The following SEC22A variants were observed in gnomAD, a reference collection of about 807,000 sequenced individuals.
SEC22A encodes the protein vesicle-trafficking protein SEC22a.
SEC22A carries 22 observed loss-of-function variants against 35.3 expected under a neutral mutation model. The ratio of observed to expected loss-of-function variants is 0.62; its 90% CI spans 0.45 to 0.89. SEC22A has a LOEUF of 0.89. SEC22A is among the 40% of genes least tolerant of loss of function. The pLI is 0.00. For synonymous variants in SEC22A, 119 were observed against 129.5 expected (o/e 0.92, Z 0.55); for missense variants, 354 against 362.5 (o/e 0.98, Z 0.19).
At chr3:123,246,239 C>G (rs1319329941) in intron 5 of SEC22A, among the ~76,000 whole-genome samples, 1 of 152,130 alleles carries the variant, frequency 6.6e-6, no homozygotes, top group Non-Finnish European at 1.5e-5. Flanking sequence ...TTATAGGCAC[C>G]CTGGGGACCC....
intron 5 of SEC22A, among the ~76,000 whole-genome samples, chr3:123,247,293 A>T (rs1576498268): frequency 6.6e-6 from 1 of 152,348 alleles, no homozygotes; most frequent in East Asian, 1.9e-4. Flanking sequence ...TTGTTGGTGA[A>T]GCAGGCTTGG....
rs889006902 is a variant in SEC22A at position 123,272,751 on chromosome 3, T to C, written c.*1029T>C. 2 of 153,774 alleles carry C rather than the reference T, an allele frequency of 1.3e-5. No homozygotes were observed. Among genetic ancestry groups the C allele is most frequent in the African/African-American group, 4.8e-5 (2 of 41,458 alleles). The allele number at this position is 153,774 out of a possible 1,614,324, so 9.5% of individuals were successfully genotyped here. On this transcript the variant is annotated 3_prime_UTR_variant, in exon 7 of 7. Coordinates refer to ENST00000492595, the MANE Select transcript of SEC22A (RefSeq NM_012430.5). Reference sequence around the variant, plus strand: ...AAAGGAAACTGTAAAGGGAATGACATTCTCACTGTGATTCAGCATTATTCT... The same window carrying C: ...AAAGGAAACTGTAAAGGGAATGACACTCTCACTGTGATTCAGCATTATTCT...
chr3:123,226,202 G>A (rs147076421), intron 4 of SEC22A, among the ~76,000 whole-genome samples: 30 of 152,202 alleles, frequency 2.0e-4, no homozygotes, highest in African/African-American at 6.3e-4. Context: ...CCTTTCTTTT[G>A]GGTATATAGC....
At chr3:123,203,439 T>A (rs1936792576) in intron 1 of SEC22A, among the ~76,000 whole-genome samples, 1 of 152,188 alleles carries the variant, frequency 6.6e-6, no homozygotes, top group African/African-American at 2.4e-5. Flanking sequence ...TACAAGGCAA[T>A]GTTTCAGGCA....
At chr3:123,252,807 T>C (rs927659935) in intron 5 of SEC22A, among the ~76,000 whole-genome samples, 3 of 152,244 alleles carry the variant, frequency 2.0e-5, no homozygotes, top group South Asian at 2.1e-4. Context: ...TACGTAGCAC[T>C]GAAGTTTTTC....
At chr3:123,253,463 C>G (rs1036442756) in intron 5 of SEC22A, among the ~76,000 whole-genome samples, 1 of 151,692 alleles carries the variant, frequency 6.6e-6, no homozygotes, top group Non-Finnish European at 1.5e-5. Flanking sequence ...CTTGTAATCC[C>G]AGCACTTTGG....
At chr3:123,262,185 A>T (rs965083768) in intron 6 of SEC22A, among the ~76,000 whole-genome samples, 1 of 152,164 alleles carries the variant, frequency 6.6e-6, no homozygotes, top group African/African-American at 2.4e-5. Flanking sequence ...CCATTACCAC[A>T]TGGTTTGTCA....
chr3:123,227,409 G>A (rs1937233764), intron 4 of SEC22A, among the ~76,000 whole-genome samples: 2 of 150,934 alleles, frequency 1.3e-5, no homozygotes, highest in Admixed American at 1.3e-4. Context: ...TCACCAATGA[G>A]AACACATGGA....
intron 4 of SEC22A, among the ~76,000 whole-genome samples, chr3:123,227,843 G>A (rs1330684246): frequency 4.6e-5 from 7 of 151,796 alleles, no homozygotes; most frequent in Admixed American, 4.6e-4. Context: ...CCAGTTACTC[G>A]GGAGACTGAG....
chr3:123,202,903 A>G (rs149274863), intron 1 of SEC22A, among the ~76,000 whole-genome samples: 3 of 152,270 alleles, frequency 2.0e-5, no homozygotes, highest in African/African-American at 7.2e-5. Context: ...CTAAGATTGT[A>G]AGGAATCAGG....
At chr3:123,269,831 A>C (rs1380905521) in intron 6 of SEC22A, among the ~76,000 whole-genome samples, 1 of 151,880 alleles carries the variant, frequency 6.6e-6, no homozygotes, top group Non-Finnish European at 1.5e-5. Context: ...ACAGGGTTTC[A>C]CTGTGTTAGC....
chr3:123,202,350 G>C (rs1206138444), intron 1 of SEC22A, among the ~76,000 whole-genome samples: 1 of 152,208 alleles, frequency 6.6e-6, no homozygotes, highest in African/African-American at 2.4e-5. Flanking sequence ...GGATTCCCTG[G>C]CGCCCAGGTG....
chr3:123,242,232 C>T (rs927103435), intron 4 of SEC22A, among the ~76,000 whole-genome samples: 3 of 144,652 alleles, frequency 2.1e-5, no homozygotes, highest in Non-Finnish European at 4.6e-5. Context: ...CAGACCTCGT[C>T]TGCTTCTCCC....
chr3:123,271,439 C>A, intron 6 of SEC22A, 83 bp from the exon 7 acceptor site: 1 of 1,149,694 alleles, frequency 8.7e-7, no homozygotes, highest in Non-Finnish European at 1.3e-6. Context: ...ATTTTACTCT[C>A]TGACCTGTTA....
intron 5 of SEC22A, among the ~76,000 whole-genome samples, chr3:123,251,671 T>A (rs1937615803): frequency 6.6e-6 from 1 of 152,214 alleles, no homozygotes; most frequent in Admixed American, 6.5e-5. Context: ...TCATAGGTAA[T>A]TTTAAAAGAT....
chr3:123,222,545 T>G (rs564342822), intron 2 of SEC22A, among the ~76,000 whole-genome samples: 20 of 152,282 alleles, frequency 1.3e-4, no homozygotes, highest in African/African-American at 4.6e-4. Flanking sequence ...TATTTCTTTT[T>G]TACAACCCTG....
chr3:123,216,423 A>G (rs1450917253), intron 2 of SEC22A, among the ~76,000 whole-genome samples: 2 of 152,312 alleles, frequency 1.3e-5, no homozygotes, highest in East Asian at 3.9e-4. Flanking sequence ...ATTACCATTG[A>G]CTTCTTAAAA....
intron 4 of SEC22A, among the ~76,000 whole-genome samples, chr3:123,226,919 T>C (rs1387048595): frequency 1.3e-5 from 2 of 152,224 alleles, no homozygotes; most frequent in African/African-American, 4.8e-5. Flanking sequence ...AAGGTTTCTT[T>C]GTAAACATTT....
At chr3:123,207,718 A>C (rs1216636178) in intron 1 of SEC22A, among the ~76,000 whole-genome samples, 5 of 152,186 alleles carry the variant, frequency 3.3e-5, no homozygotes, top group Non-Finnish European at 7.3e-5. Context: ...ATGCAAGCTA[A>C]AGTTTGAGAG....
Sources: allele counts gnomAD v4.1 joint callset (sites outside exome capture counted in the v4.1 genomes callset), GRCh38; gene constraint gnomAD v4.1.1; transcripts MANE v1.5; gene names NCBI Gene and HGNC (gene_info 2026-07-23, HGNC 2026-07-21).